Variants in EDN1 observed in about 807,000 individuals in gnomAD.
The protein encoded by EDN1 is endothelin 1.
EDN1 carries 11 observed loss-of-function variants against 21.7 expected under a neutral mutation model. That is an observed-to-expected ratio of 0.51 (90% CI 0.32 to 0.84). The LOEUF (loss-of-function observed/expected upper bound fraction) is 0.84, where lower values mean the gene tolerates loss of function less well. Ranked by LOEUF, EDN1 falls within the 40% of genes least tolerant of loss-of-function variation. The pLI, the probability that EDN1 is intolerant of heterozygous loss-of-function variation, is 0.03. For synonymous variants in EDN1, 85 were observed against 90.6 expected, an observed-to-expected ratio of 0.94 and a Z score of 0.35; for missense variants, 244 against 262.3, an observed-to-expected ratio of 0.93 and a Z score of 0.48.
chr6:12,293,794 C>A, intron 2 of EDN1, 147 bp from the exon 3 acceptor site: 1 of 857,548 alleles, frequency 1.2e-6, no homozygotes, highest in South Asian at 1.6e-5. Context: ...GTGTTCCTGG[C>A]TGTTGTTACA....
At chr6:12,270,826 G>C in the EDN1 span, among the ~76,000 whole-genome samples, 109 of 152,296 alleles carry the variant, frequency 7.2e-4, no homozygotes, top group Middle Eastern at 6.8e-3. Context: ...ATGTTTCTTT[G>C]TTGATTTTCT....
upstream of EDN1, among the ~76,000 whole-genome samples, chr6:12,289,440 T>C (rs961736120): frequency 1.3e-5 from 2 of 152,064 alleles, no homozygotes; most frequent in African/African-American, 4.8e-5. Context: ...CCAAGCCAGG[T>C]TGCGTTTTTT....
At chr6:12,264,357 G>T in the EDN1 span, among the ~76,000 whole-genome samples, 98 of 152,272 alleles carry the variant, frequency 6.4e-4, no homozygotes, top group Middle Eastern at 3.4e-3. Context: ...GACTAAAGTA[G>T]GTATGGAAAA....
chr6:12,287,321 T>C (rs959864247), upstream of EDN1, among the ~76,000 whole-genome samples: 4 of 151,912 alleles, frequency 2.6e-5, no homozygotes, highest in African/African-American at 9.7e-5. Flanking sequence ...TCATATTCAC[T>C]CCTTTGTCCA....
the EDN1 span, among the ~76,000 whole-genome samples, chr6:12,253,855 C>T: frequency 1.1e-4 from 16 of 152,260 alleles, no homozygotes; most frequent in East Asian, 2.1e-3. Context: ...TCTGTCCCTG[C>T]GCACACCCAA....
At chr6:12,238,229 G>A in the EDN1 span, among the ~76,000 whole-genome samples, 2 of 151,548 alleles carry the variant, frequency 1.3e-5, no homozygotes, top group Non-Finnish European at 2.9e-5. Flanking sequence ...ATTTAAGTCC[G>A]TGCTTCTATT....
chr6:12,263,190 A>C, the EDN1 span, among the ~76,000 whole-genome samples: 1 of 152,232 alleles, frequency 6.6e-6, no homozygotes, highest in Non-Finnish European at 1.5e-5. Context: ...CAGACAAAGA[A>C]GATTCAGGGA....
the EDN1 span, among the ~76,000 whole-genome samples, chr6:12,284,490 TGA>T: frequency 7.0e-6 from 1 of 142,570 alleles, no homozygotes; most frequent in Non-Finnish European, 1.5e-5. Flanking sequence ...GGTGACAGAG[TGA>T]GAATTTGTCT....
chr6:12,284,748 G>GAAGGAAGGAAGA, the EDN1 span, among the ~76,000 whole-genome samples: 10 of 78,534 alleles, frequency 1.3e-4, no homozygotes, highest in South Asian at 5.3e-4. Flanking sequence ...AGGAAGGAAG[G>GAAGGAAGGAAGA]AAGAAAGAAA....
rs1384417848 is a variant in EDN1, at chr6:12,297,152, A to G, written c.*1085A>G. 6.6e-6 allele frequency: 1 copy of G among 152,226 alleles called. No individual in the cohort carries two copies. Among genetic ancestry groups the G allele is most frequent in the Admixed American group, 6.5e-5 (1 of 15,284 alleles). 9.4% of individuals were successfully genotyped at this position (152,226 alleles called of 1,614,324 possible). A position where few individuals can be genotyped will look rare whatever the true frequency, so the allele number is the denominator to read the frequency against. On this transcript the variant is annotated 3_prime_UTR_variant, in exon 5 of 5. Transcript: ENST00000379375. ...GAGAACATGCTTTGTTTTGCCTGTC[A>G]AGGTAATGACTTTAGAAAATAAATA...
At chr6:12,242,933 A>C in the EDN1 span, among the ~76,000 whole-genome samples, 1 of 152,176 alleles carries the variant, frequency 6.6e-6, no homozygotes. Context: ...CTGAGCACTT[A>C]GAATTATGCT....
At chr6:12,244,936 C>T in the EDN1 span, among the ~76,000 whole-genome samples, 1 of 152,164 alleles carries the variant, frequency 6.6e-6, no homozygotes, top group East Asian at 1.9e-4. Context: ...TTTCCTGCAA[C>T]TTCTACCCTA....
chr6:12,267,458 TAGA>T, the EDN1 span, among the ~76,000 whole-genome samples: 2 of 152,110 alleles, frequency 1.3e-5, no homozygotes, highest in Admixed American at 1.3e-4. Flanking sequence ...GTAGTCTGGG[TAGA>T]AGAACAAACC....
At chr6:12,270,154 T>C in the EDN1 span, among the ~76,000 whole-genome samples, 1 of 152,098 alleles carries the variant, frequency 6.6e-6, no homozygotes, top group Non-Finnish European at 1.5e-5. Flanking sequence ...GCTGACTTTA[T>C]GTATTTGGCT....
At chr6:12,246,014 C>T in the EDN1 span, among the ~76,000 whole-genome samples, 67 of 78,888 alleles carry the variant, frequency 8.5e-4, no homozygotes, top group African/African-American at 2.5e-3. Flanking sequence ...ATATTTTACC[C>T]CACAAAGGCA....
At chr6:12,241,165 TC>T in the EDN1 span, among the ~76,000 whole-genome samples, 2 of 118,092 alleles carry the variant, frequency 1.7e-5, no homozygotes, top group Non-Finnish European at 4.1e-5. Flanking sequence ...TTTCTTTCTT[TC>T]TTTTTTTTTT....
the EDN1 span, among the ~76,000 whole-genome samples, chr6:12,282,032 A>G: frequency 7.3e-6 from 1 of 136,978 alleles, no homozygotes; most frequent in Non-Finnish European, 1.6e-5. Flanking sequence ...AAAATAATCA[A>G]TATGTAGATC....
chr6:12,232,683 A>T, the EDN1 span, among the ~76,000 whole-genome samples: 2 of 152,206 alleles, frequency 1.3e-5, no homozygotes, highest in Non-Finnish European at 2.9e-5. Context: ...AATAAAGTTG[A>T]TCCTAAATGA....
the EDN1 span, among the ~76,000 whole-genome samples, chr6:12,258,448 T>TAAAAAAAAAAAAAAA: frequency 7.2e-5 from 2 of 27,740 alleles, no homozygotes; most frequent in African/African-American, 1.4e-4. Flanking sequence ...AGATCATGTC[T>TAAAAAAAAAAAAAAA]CAAAAAAAAA....
Sources: gnomAD v4.1 joint callset for allele counts (sites outside exome capture counted in the v4.1 genomes callset) on GRCh38, gnomAD v4.1.1 for gene constraint, MANE v1.5 for transcripts, NCBI Gene and HGNC (gene_info 2026-07-23, HGNC 2026-07-21) for gene names.